GNAO1: variants seen among roughly 807,000 people sequenced by gnomAD.
GNAO1 encodes G protein subunit alpha o1.
For missense variants in GNAO1, 166 were observed against 478.7 expected (o/e 0.35, Z 6.10); for synonymous variants, 164 against 180.7 (o/e 0.91, Z 0.74).
At chr16:56,348,372 G>C (rs1035230994) in intron 6 of GNAO1, among the ~76,000 whole-genome samples, 1 of 152,192 alleles carries the variant, frequency 6.6e-6, no homozygotes, top group Non-Finnish European at 1.5e-5. Context: ...CTGCCCCCCT[G>C]TCAGGATCGC....
At chr16:56,232,177 C>T (rs933012543) in intron 2 of GNAO1, among the ~76,000 whole-genome samples, 2 of 152,152 alleles carry the variant, frequency 1.3e-5, no homozygotes, top group South Asian at 2.1e-4. Flanking sequence ...CTCCTGCAGC[C>T]TCTCCTACAA....
chr16:56,200,878 G>A (rs191100890), intron 2 of GNAO1, among the ~76,000 whole-genome samples: 5 of 152,250 alleles, frequency 3.3e-5, no homozygotes, highest in East Asian at 1.9e-4. Flanking sequence ...TTTCATTACC[G>A]CCTCAAAAAT....
intron 3 of GNAO1, among the ~76,000 whole-genome samples, chr16:56,287,448 T>A (rs1275677473): frequency 6.6e-6 from 1 of 152,184 alleles, no homozygotes; most frequent in Non-Finnish European, 1.5e-5. Flanking sequence ...AAACTGGAGA[T>A]CATAATAATA....
At chr16:56,223,041 T>C (rs560325997) in intron 2 of GNAO1, among the ~76,000 whole-genome samples, 2 of 152,326 alleles carry the variant, frequency 1.3e-5, no homozygotes, top group East Asian at 3.9e-4. Flanking sequence ...GCTGTTTCAA[T>C]TGGCCACAGA....
chr16:56,309,365 G>T (rs1179454519), intron 3 of GNAO1, among the ~76,000 whole-genome samples: 1 of 152,182 alleles, frequency 6.6e-6, no homozygotes, highest in African/African-American at 2.4e-5. Context: ...ATAGGAGGAG[G>T]TAGGGACAGA....
At chr16:56,332,136 C>T (rs1357153278) in intron 4 of GNAO1, among the ~76,000 whole-genome samples, 4 of 152,190 alleles carry the variant, frequency 2.6e-5, no homozygotes, top group Non-Finnish European at 5.9e-5. Flanking sequence ...GACCTGCTCT[C>T]ATGGCAGCAA....
intron 4 of GNAO1, 183 bp downstream of exon 4, chr16:56,328,974 A>G: frequency 1.7e-6 from 1 of 601,004 alleles, no homozygotes; most frequent in Non-Finnish European, 2.9e-6. Flanking sequence ...CCTGCACCCC[A>G]GGAGGAGAAA....
At chr16:56,272,532 T>G (rs1228743724) in intron 2 of GNAO1, among the ~76,000 whole-genome samples, 1 of 152,182 alleles carries the variant, frequency 6.6e-6, no homozygotes, top group Non-Finnish European at 1.5e-5. Context: ...TGAAGCTTCT[T>G]TATCTTGGGA....
intron 3 of GNAO1, among the ~76,000 whole-genome samples, chr16:56,325,776 A>G (rs1432861283): frequency 6.6e-6 from 1 of 152,166 alleles, no homozygotes. Flanking sequence ...CTCACAGGAC[A>G]GGTCACATGA....
intron 2 of GNAO1, among the ~76,000 whole-genome samples, chr16:56,204,979 A>G (rs2036314305): frequency 6.6e-6 from 1 of 152,170 alleles, no homozygotes; most frequent in South Asian, 2.1e-4. Context: ...TCTTGTGGCA[A>G]AGGAATTCCC....
chr16:56,274,502 G>A (rs1290160897), intron 2 of GNAO1, among the ~76,000 whole-genome samples: 3 of 151,984 alleles, frequency 2.0e-5, no homozygotes, highest in Non-Finnish European at 4.4e-5. Context: ...GGAATTTGCA[G>A]CAGGAATCAT....
chr16:56,264,343 C>T (rs1474883066), intron 2 of GNAO1, among the ~76,000 whole-genome samples: 5 of 152,246 alleles, frequency 3.3e-5, no homozygotes, highest in Non-Finnish European at 7.3e-5. Context: ...CTGCCGCTGC[C>T]GTGGACTGAC....
intron 5 of GNAO1, 54 bp from the exon 6 acceptor site, chr16:56,336,677 A>T (rs1007566323): frequency 1.3e-6 from 2 of 1,538,306 alleles, no homozygotes; most frequent in African/African-American, 1.4e-5. Context: ...CTTAATCCCC[A>T]GGCAGCCCTC....
At chr16:56,288,293 G>A (rs2037193623) in intron 3 of GNAO1, among the ~76,000 whole-genome samples, 2 of 152,236 alleles carry the variant, frequency 1.3e-5, no homozygotes, top group South Asian at 2.1e-4. Context: ...AGTGATTCCA[G>A]AGAGCAGAGT....
intron 2 of GNAO1, among the ~76,000 whole-genome samples, chr16:56,256,710 CTCTCTCTCTGTGTG>C (rs1348336467): frequency 2.5e-5 from 3 of 120,426 alleles, no homozygotes; most frequent in African/African-American, 1.0e-4. Context: ...CTCTCTCTCT[CTCTCTCTCTGTGTG>C]TGTGTGTGTG....
intron 3 of GNAO1, among the ~76,000 whole-genome samples, chr16:56,288,765 C>T (rs544105895): frequency 1.3e-5 from 2 of 152,034 alleles, no homozygotes; most frequent in Non-Finnish European, 2.9e-5. Flanking sequence ...TGTCATGAAC[C>T]GGAAGCATAC....
chr16:56,287,067 A>G (rs899240), intron 3 of GNAO1, among the ~76,000 whole-genome samples: 41,534 of 152,118 alleles, frequency 0.27, 6,654 homozygotes, highest in East Asian at 0.45. Context: ...TGCTGCTCCC[A>G]TGGCAGCCTC....
At chr16:56,312,558 C>G (rs1477651858) in intron 3 of GNAO1, among the ~76,000 whole-genome samples, 1 of 152,238 alleles carries the variant, frequency 6.6e-6, no homozygotes, top group African/African-American at 2.4e-5. Flanking sequence ...CCCAGAGGTC[C>G]CTCCTCGACC....
chr16:56,247,482 GTTT>G (rs61650674), intron 2 of GNAO1, among the ~76,000 whole-genome samples: 1,620 of 119,664 alleles, frequency 0.014, 33 homozygotes, highest in African/African-American at 0.046. Flanking sequence ...TTAGGGTGAG[GTTT>G]TTTTTTTTTT....
Sources: gnomAD v4.1 joint callset for allele counts (sites outside exome capture counted in the v4.1 genomes callset) on GRCh38, gnomAD v4.1.1 for gene constraint, MANE v1.5 for transcripts, NCBI Gene and HGNC (gene_info 2026-07-23, HGNC 2026-07-21) for gene names.